UGT1A3: variants seen among roughly 807,000 people sequenced by gnomAD.
The protein encoded by UGT1A3 is UDP-glucuronosyltransferase 1A3.
Under a neutral mutation model 41.0 loss-of-function variants are expected in UGT1A3, and 31 were observed. The ratio of observed to expected loss-of-function variants is 0.76; its 90% confidence interval spans 0.57 to 1.02. UGT1A3 has a LOEUF of 1.02. Among genes scored for constraint, UGT1A3 ranks in the 50% least tolerant of loss-of-function variants. The pLI, the probability that UGT1A3 is intolerant of heterozygous loss-of-function variation, is 0.00. For synonymous variants in UGT1A3, 262 were observed against 257.6 expected, an observed-to-expected ratio of 1.02 and a Z score of -0.17; for missense variants, 737 against 671.0, an observed-to-expected ratio of 1.10 and a Z score of -1.09.
chr2:233,763,526 C>T (rs17864704), intron 1 of UGT1A3, among the ~76,000 whole-genome samples: 1 of 152,330 alleles, frequency 6.6e-6, no homozygotes, highest in Non-Finnish European at 1.5e-5. Flanking sequence ...TTGCCATTCT[C>T]CTTTTTCCGG....
chr2:233,751,463 C>T lies in UGT1A3; in HGVS notation c.868-15571C>T, dbSNP rs191766530. ...ACTTTGGAAGATTGTTGGGAAGGCA[C>T]GATTGGTTTTGAAATGTGAAAAGAC... On this transcript the variant is annotated intron_variant, in intron 1 of 4. Transcript: ENST00000482026. Among the ~76,000 whole-genome samples, 221 of 152,178 alleles carry T rather than the reference C, an allele frequency of 1.5e-3. 1 individual carries two copies. Among genetic ancestry groups the T allele is most frequent in the African/African-American group, 4.9e-3 (203 of 41,476 alleles).
At chr2:233,733,232 T>G (rs2078369792) in intron 1 of UGT1A3, among the ~76,000 whole-genome samples, 1 of 152,224 alleles carries the variant, frequency 6.6e-6, no homozygotes, top group Non-Finnish European at 1.5e-5. Flanking sequence ...GTTTTCTAAA[T>G]ATACAATCAT....
intron 4 of UGT1A3, chr2:233,771,569 G>A (rs1337987311): frequency 6.6e-6 from 1 of 152,150 alleles, no homozygotes; most frequent in Non-Finnish European, 1.5e-5. Flanking sequence ...GGCCAGAGGT[G>A]GTTGTTTACA....
intron 1 of UGT1A3, among the ~76,000 whole-genome samples, chr2:233,730,659 C>T (rs572509077): frequency 5.9e-5 from 9 of 152,094 alleles, no homozygotes; most frequent in South Asian, 4.2e-4. Context: ...TCTCAGAGTT[C>T]GGAAGGCAAA....
intron 4 of UGT1A3, among the ~76,000 whole-genome samples, chr2:233,771,927 C>A (rs1388593829): frequency 6.6e-6 from 1 of 152,006 alleles, no homozygotes; most frequent in African/African-American, 2.4e-5. Context: ...ACAGCCTGGG[C>A]AACACAATAA....
chr2:233,737,919 T>C (rs1472023706), intron 1 of UGT1A3, among the ~76,000 whole-genome samples: 1 of 152,102 alleles, frequency 6.6e-6, no homozygotes, highest in African/African-American at 2.4e-5. Flanking sequence ...CAGGCTAGTG[T>C]ATTTAGTAGT....
chr2:233,762,496 C>A (rs923496675), intron 1 of UGT1A3, among the ~76,000 whole-genome samples: 3 of 152,178 alleles, frequency 2.0e-5, no homozygotes, highest in Non-Finnish European at 4.4e-5. Flanking sequence ...AATGCTATTA[C>A]TTTTTAAACT....
intron 1 of UGT1A3, chr2:233,760,636 A>G (rs1559407230): frequency 6.2e-7 from 1 of 1,614,144 alleles, no homozygotes; most frequent in South Asian, 1.1e-5. Context: ...CAAGAAAATA[A>G]AAAAGGACTC....
intron 1 of UGT1A3, among the ~76,000 whole-genome samples, chr2:233,738,020 A>G (rs1165451282): frequency 6.6e-6 from 1 of 152,034 alleles, no homozygotes; most frequent in African/African-American, 2.4e-5. Context: ...TTGAATTGTA[A>G]TCCCCATAAT....
In UGT1A3 at chr2:233,748,281, A is replaced by G. The variant is rs187598208; in HGVS notation, c.867+18288A>G. 1.2e-3 allele frequency among the ~76,000 whole-genome samples: 189 copies of G among 151,888 alleles called. 5 individuals are homozygous for G. The highest frequency in any genetic ancestry group is 4.3e-3 in the African/African-American group (178 of 41,188). ...TTAAATGGTCAATGAGAGGAAGAAG[A>G]GGCAGACATGAATGTTTATCAAAGG... On this transcript the variant is annotated intron_variant, in intron 1 of 4. Coordinates refer to ENST00000482026, the MANE Select transcript of UGT1A3 (RefSeq NM_019093.4).
chr2:233,765,641 G>GGTCA (rs1313587077), intron 1 of UGT1A3, among the ~76,000 whole-genome samples: 3 of 151,492 alleles, frequency 2.0e-5, no homozygotes, highest in Non-Finnish European at 2.9e-5. Flanking sequence ...TTAGAGGATA[G>GGTCA]GTCAATAGGT....
intron 1 of UGT1A3, among the ~76,000 whole-genome samples, chr2:233,757,672 G>A (rs1236186994): frequency 2.0e-5 from 3 of 151,168 alleles, no homozygotes; most frequent in Admixed American, 2.0e-4. Context: ...GGAAATTCAA[G>A]GAATTCAAGG....
Position 233,730,113 on chromosome 2 carries a change from C to G in UGT1A3, c.867+120C>G. 5 of 1,563,498 alleles carry G rather than the reference C, an allele frequency of 3.2e-6. No individual in the cohort carries two copies. The South Asian group carries it at 5.9e-5, about 18-fold the overall frequency. ...TTCCAAATATTTCATTTCTGCTTCT[C>G]CTTGTCATAATAGCCTTCAGTGAGA... is the stretch of plus-strand genomic sequence containing the variant. On this transcript the variant is annotated intron_variant, in intron 1 of 4. Coordinates refer to ENST00000482026, the MANE Select transcript of UGT1A3 (RefSeq NM_019093.4).
Position 233,729,079 on chromosome 2 carries a change from C to G in UGT1A3, c.-48C>G, listed in dbSNP as rs372945950. 1,314 of 1,611,886 alleles carry G rather than the reference C, an allele frequency of 8.2e-4. No homozygotes were observed. Among genetic ancestry groups the G allele is most frequent in the Non-Finnish European group, 1.1e-3 (1,267 of 1,179,692 alleles). ...ATTAAGATGAAGAAAGCAAATGTAG[C>G]AGGCACAGCGTGGGGTGGACAGTCA... On this transcript the variant is annotated 5_prime_UTR_variant, in exon 1 of 5. Transcript: ENST00000482026.
Position 233,748,064 on chromosome 2 carries a change from G to T in UGT1A3, c.867+18071G>T, listed in dbSNP as rs867030809. On this transcript the variant is annotated intron_variant, in intron 1 of 4. Transcript: ENST00000482026. ...TTGGGGGCATCAACTGTGCCAACAG[G>T]AAGCCACTATCTCAGGTCGGTGTTC... 3.5e-5 allele frequency: 57 copies of T among 1,612,772 alleles called. 2 individuals carry two copies. In the African/African-American group the frequency reaches 5.8e-4, roughly 16 times the overall value.
At chr2:233,760,997 T>A in intron 1 of UGT1A3, 2 of 1,614,168 alleles carry the variant, frequency 1.2e-6, no homozygotes, top group South Asian at 2.2e-5. Flanking sequence ...GCCTCAGAAT[T>A]CCTTCAGAGA....
Position 233,744,060 on chromosome 2 carries a change from C to A in UGT1A3, c.867+14067C>A, listed in dbSNP as rs1280590393. 1.7e-5 allele frequency: 10 copies of A among 571,720 alleles called. No homozygotes were observed. The African/African-American group carries it at 2.0e-4, about 11-fold the overall frequency. 35.4% of individuals were successfully genotyped at this position (571,720 alleles called of 1,614,324 possible). On this transcript the variant is annotated intron_variant, in intron 1 of 4. Coordinates refer to ENST00000482026, the MANE Select transcript of UGT1A3 (RefSeq NM_019093.4). Reference sequence around the variant, plus strand: ...CGCAGCCACATCTCATTGGTCGAGGCCTATGAGCGCCTCGCATCCCAAGAT... The same window carrying A: ...CGCAGCCACATCTCATTGGTCGAGGACTATGAGCGCCTCGCATCCCAAGAT...
intron 1 of UGT1A3, chr2:233,755,285 A>T (rs1468695441): frequency 1.5e-6 from 1 of 681,694 alleles, no homozygotes; most frequent in African/African-American, 1.9e-5. Flanking sequence ...ACTGCCAAAG[A>T]GCCTGCGGGG....
chr2:233,772,087 C>T (rs958943778), intron 4 of UGT1A3, among the ~76,000 whole-genome samples, 175 bp from the exon 5 acceptor site: 4 of 152,100 alleles, frequency 2.6e-5, no homozygotes, highest in African/African-American at 4.8e-5. Flanking sequence ...CACTCCAGCC[C>T]GGGCAACAGG....
Sources: allele counts gnomAD v4.1 joint callset (sites outside exome capture counted in the v4.1 genomes callset), GRCh38; gene constraint gnomAD v4.1.1; transcripts MANE v1.5; gene names NCBI Gene and HGNC (gene_info 2026-07-23, HGNC 2026-07-21).